Variants in ARAP2 observed in about 807,000 individuals in gnomAD.
ARAP2 encodes ArfGAP with RhoGAP domain, ankyrin repeat and PH domain 2.
A neutral mutation model predicts 194.5 loss-of-function variants in ARAP2; 148 were observed. The ratio of observed to expected loss-of-function variants is 0.76; its 90% CI spans 0.67 to 0.87. The LOEUF (loss-of-function observed/expected upper bound fraction) is 0.87. Among genes scored for constraint, ARAP2 ranks in the 40% least tolerant of loss-of-function variants. The probability of loss-of-function intolerance (pLI) is 0.00; values close to 1 mark genes in which losing one functional copy is unlikely to be tolerated. For missense variants in ARAP2, 2,128 were observed against 1,989.7 expected, an observed-to-expected ratio of 1.07 and a Z score of -1.32; for synonymous variants, 695 against 683.5, an observed-to-expected ratio of 1.02 and a Z score of -0.26.
intron 8 of ARAP2, among the ~76,000 whole-genome samples, chr4:36,180,170 G>A (rs987480832): frequency 3.3e-5 from 5 of 152,168 alleles, no homozygotes; most frequent in African/African-American, 9.6e-5. Flanking sequence ...AACTCAGGAG[G>A]CTGAGGCATG....
At chr4:36,172,998 T>TG (rs929351468) in intron 9 of ARAP2, among the ~76,000 whole-genome samples, 6 of 152,044 alleles carry the variant, frequency 3.9e-5, no homozygotes, top group Admixed American at 3.3e-4. Context: ...AACATTATGT[T>TG]GGGGGGGAAT....
Position 36,067,327 on chromosome 4 carries a change from A to C in ARAP2, c.*580T>G, listed in dbSNP as rs1242644790. 2 of 152,644 alleles carry C rather than the reference A, an allele frequency of 1.3e-5. No homozygotes were observed. Among genetic ancestry groups the C allele is most frequent in the Admixed American group, 1.3e-4 (2 of 15,278 alleles). The allele number at this position is 152,644 out of a possible 1,614,324, so 9.5% of individuals were successfully genotyped here. On this transcript the variant is annotated 3_prime_UTR_variant, in exon 33 of 33. Transcript: ENST00000303965. ...TTCTGGTCATTAGTGAACTAGAATG[A>C]ATCTTAGCTCACTTCCTTGTTTTGC...
intron 5 of ARAP2, among the ~76,000 whole-genome samples, chr4:36,023,084 T>C (rs2109343900): frequency 6.6e-6 from 1 of 152,348 alleles, no homozygotes. Flanking sequence ...TTCTCCATTA[T>C]TGTTTATATC....
At chr4:36,187,419 T>G in intron 8 of ARAP2, 32 bp downstream of exon 8, 1 of 1,197,036 alleles carries the variant, frequency 8.4e-7, no homozygotes. Flanking sequence ...CAGAAATTAA[T>G]GTATTTCATA....
At chr4:36,032,329 C>T (rs190761713) in intron 5 of ARAP2, among the ~76,000 whole-genome samples, 1 of 152,294 alleles carries the variant, frequency 6.6e-6, no homozygotes, top group African/African-American at 2.4e-5. Context: ...AAGGAAAGGG[C>T]TCAGAGGAGC....
At chr4:36,123,353 C>T (rs1359251397) in intron 22 of ARAP2, among the ~76,000 whole-genome samples, 2 of 151,660 alleles carry the variant, frequency 1.3e-5, no homozygotes, top group Admixed American at 1.3e-4. Context: ...ATCAACTTGT[C>T]CTCATCCAAT....
intron 5 of ARAP2, among the ~76,000 whole-genome samples, chr4:36,041,128 A>G (rs1720801019): frequency 1.3e-5 from 2 of 151,958 alleles, no homozygotes; most frequent in Admixed American, 1.3e-4. Context: ...ATGTAATTTG[A>G]TGACAAACAC....
At chr4:36,015,383 C>T (rs1465063197) in intron 8 of ARAP2, 1 of 152,194 alleles carries the variant, frequency 6.6e-6, no homozygotes, top group African/African-American at 2.4e-5. Context: ...ATCACTTGCT[C>T]ACAGTACTGA....
At chr4:36,079,603 G>T (rs1729054590) in intron 31 of ARAP2, among the ~76,000 whole-genome samples, 1 of 152,142 alleles carries the variant, frequency 6.6e-6, no homozygotes, top group Admixed American at 6.6e-5. Flanking sequence ...TCCTGCTCTA[G>T]GGAGGAAAAC....
At chr4:36,040,524 AGTACTTTG>A (rs1720679805) in intron 5 of ARAP2, among the ~76,000 whole-genome samples, 2 of 146,810 alleles carry the variant, frequency 1.4e-5, no homozygotes, top group South Asian at 4.4e-4. Context: ...TTCTTTGAGC[AGTACTTTG>A]GAATTCTCAT....
chr4:36,060,063 T>TG (rs1724166717), intron 1 of ARAP2, among the ~76,000 whole-genome samples: 1 of 152,148 alleles, frequency 6.6e-6, no homozygotes, highest in African/African-American at 2.4e-5. Context: ...GAGATATAAA[T>TG]GCTACTTCTA....
At chr4:36,154,848 C>CA (rs1315334548) in intron 15 of ARAP2, among the ~76,000 whole-genome samples, 1 of 152,196 alleles carries the variant, frequency 6.6e-6, no homozygotes, top group East Asian at 1.9e-4. Context: ...GCAAAGGTGA[C>CA]AACCACACTT....
chr4:36,067,882 T>C lies in ARAP2; in HGVS notation c.*25A>G. Reference sequence around the variant, plus strand: ...ATTGCATACAATATTAAAAAAATAATCTGGGGAGCAATTCATTTTATTTCC... The same window carrying C: ...ATTGCATACAATATTAAAAAAATAACCTGGGGAGCAATTCATTTTATTTCC... On this transcript the variant is annotated 3_prime_UTR_variant, in exon 33 of 33. Transcript: ENST00000303965. 2 of 1,538,558 alleles carry C rather than the reference T, an allele frequency of 1.3e-6. No individual in the cohort carries two copies. The highest frequency in any genetic ancestry group is 2.3e-5 in the East Asian group (1 of 43,992).
At chr4:36,202,380 A>T (rs1744546282) in intron 6 of ARAP2, among the ~76,000 whole-genome samples, 1 of 152,174 alleles carries the variant, frequency 6.6e-6, no homozygotes, top group African/African-American at 2.4e-5. Context: ...CCAAAATAGC[A>T]ATTTCCAAGA....
chr4:36,159,990 G>T, intron 13 of ARAP2: 1 of 720,578 alleles, frequency 1.4e-6, no homozygotes, highest in Non-Finnish European at 1.7e-6. Context: ...TTCCCCTCAG[G>T]GGCCGAGGAT....
chr4:36,036,539 A>G (rs1222061071), intron 5 of ARAP2, among the ~76,000 whole-genome samples: 1 of 152,166 alleles, frequency 6.6e-6, no homozygotes, highest in Admixed American at 6.6e-5. Flanking sequence ...AATGATTAAT[A>G]TAATTATGTT....
chr4:36,021,332 T>TC (rs1270859749), intron 5 of ARAP2, among the ~76,000 whole-genome samples: 3 of 152,174 alleles, frequency 2.0e-5, no homozygotes, highest in African/African-American at 7.2e-5. Context: ...TGGATCTTCG[T>TC]CCCCCATTCA....
At chr4:36,014,759 G>C (rs1715476743) in intron 8 of ARAP2, among the ~76,000 whole-genome samples, 1 of 152,150 alleles carries the variant, frequency 6.6e-6, no homozygotes, top group Non-Finnish European at 1.5e-5. Flanking sequence ...ATGATACTTG[G>C]AGGCAGAGCC....
chr4:36,146,465 C>T (rs150085709), intron 19 of ARAP2, among the ~76,000 whole-genome samples: 1 of 152,014 alleles, frequency 6.6e-6, no homozygotes, highest in Non-Finnish European at 1.5e-5. Flanking sequence ...TCATTTCTTC[C>T]CACTCTCTCT....
Sources: allele counts gnomAD v4.1 joint callset (sites outside exome capture counted in the v4.1 genomes callset), GRCh38; gene constraint gnomAD v4.1.1; transcripts MANE v1.5; gene names NCBI Gene and HGNC (gene_info 2026-07-23, HGNC 2026-07-21).